THSD7B: variants seen among roughly 807,000 people sequenced by gnomAD.
THSD7B encodes thrombospondin type-1 domain-containing protein 7B.
THSD7B carries 138 observed loss-of-function variants against 213.6 expected under a neutral mutation model. The ratio of observed to expected loss-of-function variants is 0.65; its 90% CI spans 0.56 to 0.74. THSD7B has a LOEUF of 0.74. Among genes scored for constraint, THSD7B ranks in the 30% least tolerant of loss-of-function variants. The pLI is 0.00. For missense variants in THSD7B, 1,931 were observed against 1,991.5 expected, an observed-to-expected ratio of 0.97 and a Z score of 0.58; for synonymous variants, 742 against 687.0, an observed-to-expected ratio of 1.08 and a Z score of -1.25.
At chr2:137,324,512 G>C (rs1453192722) in intron 12 of THSD7B, among the ~76,000 whole-genome samples, 2 of 151,724 alleles carry the variant, frequency 1.3e-5, no homozygotes, top group Non-Finnish European at 2.9e-5. Flanking sequence ...GGCATCTTGT[G>C]AAATAACAAA....
intron 2 of THSD7B, among the ~76,000 whole-genome samples, chr2:136,891,646 C>G (rs766076787): frequency 1.3e-5 from 2 of 152,156 alleles, no homozygotes; most frequent in Non-Finnish European, 2.9e-5. Flanking sequence ...CTTTCATATT[C>G]GGGAAAGACA....
intron 3 of THSD7B, among the ~76,000 whole-genome samples, chr2:137,060,638 A>G (rs1418137805): frequency 6.6e-6 from 1 of 151,934 alleles, no homozygotes; most frequent in Non-Finnish European, 1.5e-5. Context: ...CTATTGAGTT[A>G]CCTATGCTTT....
In THSD7B at chr2:137,095,057, T is replaced by TGTC; in HGVS notation, c.1136_1138dup (p.Cys379_Pro380insArg). ...CATGGCTATTGGAGGTGGAAAGGAG[T>TGTC]GTCCTGAACTTCTTGAGAAAGAGGC... is the stretch of plus-strand genomic sequence containing the variant. On this transcript the variant is annotated inframe_insertion, in exon 4 of 28. Coordinates refer to ENST00000409968, the MANE Select transcript of THSD7B (RefSeq NM_001316349.2). 1 of 1,613,714 alleles carries TGTC rather than the reference T, an allele frequency of 6.2e-7. No homozygotes were observed. The highest frequency in any genetic ancestry group is 8.5e-7 in the Non-Finnish European group (1 of 1,179,814).
chr2:137,642,982 A>G (rs1159960315), intron 21 of THSD7B, among the ~76,000 whole-genome samples: 1 of 152,212 alleles, frequency 6.6e-6, no homozygotes, highest in Non-Finnish European at 1.5e-5. Context: ...GAAAATGCAT[A>G]GCTTGCTTTA....
chr2:137,307,479 C>A lies in THSD7B; in HGVS notation c.2500+31453C>A, dbSNP rs72975701. On this transcript the variant is annotated intron_variant, in intron 12 of 27. Coordinates refer to ENST00000409968, the MANE Select transcript of THSD7B (RefSeq NM_001316349.2). Reference sequence around the variant, plus strand: ...AATCAATACGAATTTCCACTTCATCCCTAATCCAAAGGTGAAATCCATTTA... The same window carrying A: ...AATCAATACGAATTTCCACTTCATCACTAATCCAAAGGTGAAATCCATTTA... Among the ~76,000 whole-genome samples the A allele has an allele frequency of 2.4e-3, 366 of 152,176 alleles. 5 individuals are homozygous for A. The highest frequency in any genetic ancestry group is 8.6e-3 in the African/African-American group (359 of 41,534).
At chr2:137,383,519 G>C (rs755032304) in intron 12 of THSD7B, among the ~76,000 whole-genome samples, 1 of 152,178 alleles carries the variant, frequency 6.6e-6, no homozygotes, top group African/African-American at 2.4e-5. Flanking sequence ...GTCAAGAATA[G>C]GCCGAGGCAG....
chr2:137,439,884 G>T (rs770949835), intron 14 of THSD7B, among the ~76,000 whole-genome samples: 1 of 151,926 alleles, frequency 6.6e-6, no homozygotes, highest in Non-Finnish European at 1.5e-5. Flanking sequence ...CTGGATAACC[G>T]CACAGTCAGG....
At chr2:137,423,382 T>C (rs538452632) in intron 14 of THSD7B, among the ~76,000 whole-genome samples, 5 of 152,054 alleles carry the variant, frequency 3.3e-5, no homozygotes, top group Non-Finnish European at 7.4e-5. Flanking sequence ...AACTTATAAA[T>C]AGAAAATACT....
At chr2:137,200,838 T>G (rs1680860683) in intron 7 of THSD7B, among the ~76,000 whole-genome samples, 1 of 147,774 alleles carries the variant, frequency 6.8e-6, no homozygotes, top group Non-Finnish European at 1.5e-5. Flanking sequence ...CCTGGCTAAT[T>G]TAGATATATA....
At chr2:137,272,243 G>A (rs1265309179) in intron 10 of THSD7B, among the ~76,000 whole-genome samples, 1 of 152,016 alleles carries the variant, frequency 6.6e-6, no homozygotes, top group African/African-American at 2.4e-5. Context: ...GGGCCCCTTC[G>A]ATCATGCCAT....
intron 15 of THSD7B, among the ~76,000 whole-genome samples, chr2:137,486,584 C>T (rs113975337): frequency 0.027 from 4,010 of 148,100 alleles, 187 homozygotes; most frequent in African/African-American, 0.093. Context: ...GACAGATCAA[C>T]GAGACAGAAA....
chr2:137,622,085 A>C (rs566175570), intron 20 of THSD7B, among the ~76,000 whole-genome samples: 1 of 152,248 alleles, frequency 6.6e-6, no homozygotes, highest in East Asian at 1.9e-4. Flanking sequence ...AGCACTTATG[A>C]CCCACACACC....
intron 15 of THSD7B, among the ~76,000 whole-genome samples, chr2:137,501,877 G>A (rs1679714895): frequency 6.6e-6 from 1 of 152,192 alleles, no homozygotes; most frequent in Admixed American, 6.5e-5. Flanking sequence ...TTTCCCCAGT[G>A]AACGATGTTG....
chr2:137,634,188 G>A (rs181816285), intron 20 of THSD7B, among the ~76,000 whole-genome samples: 3 of 152,072 alleles, frequency 2.0e-5, no homozygotes, highest in Admixed American at 6.6e-5. Context: ...ACCCTATTCT[G>A]CATGGTGTTT....
intron 2 of THSD7B, among the ~76,000 whole-genome samples, chr2:137,052,280 C>T (rs547644858): frequency 1.3e-5 from 2 of 152,190 alleles, no homozygotes; most frequent in East Asian, 3.9e-4. Context: ...AATGTTTGCC[C>T]AAGTAAACAG....
At chr2:137,160,120 T>C in intron 5 of THSD7B, 93 bp from the exon 6 acceptor site, 1 of 1,381,248 alleles carries the variant, frequency 7.2e-7, no homozygotes, top group Non-Finnish European at 9.8e-7. Context: ...ACTATAATGT[T>C]TTATTTGCAA....
At chr2:137,053,695 G>T (rs138685863) in intron 2 of THSD7B, among the ~76,000 whole-genome samples, 229 of 151,956 alleles carry the variant, frequency 1.5e-3, no homozygotes, top group Admixed American at 2.4e-3. Flanking sequence ...CCAGAAATAG[G>T]TCCAACTTTT....
intron 7 of THSD7B, among the ~76,000 whole-genome samples, chr2:137,194,008 T>C (rs2105017281): frequency 6.6e-6 from 1 of 152,210 alleles, no homozygotes; most frequent in African/African-American, 2.4e-5. Context: ...AGGGTTCTTG[T>C]AATGATTAAT....
chr2:137,171,774 G>C (rs908534285), intron 7 of THSD7B, among the ~76,000 whole-genome samples: 1 of 152,152 alleles, frequency 6.6e-6, no homozygotes, highest in African/African-American at 2.4e-5. Context: ...AGAGCACACA[G>C]GGTTGATATA....
Sources: gnomAD v4.1 joint callset for allele counts (sites outside exome capture counted in the v4.1 genomes callset) on GRCh38, gnomAD v4.1.1 for gene constraint, MANE v1.5 for transcripts, NCBI Gene and HGNC (gene_info 2026-07-23, HGNC 2026-07-21) for gene names.